Variants in ZNF423 observed in about 807,000 individuals in gnomAD.
ZNF423 encodes zinc finger protein 423, also known as Ebf-associated zinc finger protein.
Under a neutral mutation model 95.8 loss-of-function variants are expected in ZNF423, and 12 were observed. That is an observed-to-expected ratio of 0.13 (90% CI 0.08 to 0.20). The LOEUF is 0.20. Ranked by LOEUF, ZNF423 falls within the 10% of genes least tolerant of loss-of-function variation. ZNF423 has a pLI of 1.00. For missense variants in ZNF423, 1,316 were observed against 1,737.1 expected (o/e 0.76, Z 4.31); for synonymous variants, 749 against 711.9 (o/e 1.05, Z -0.83).
At chr16:49,769,510 T>A (rs1264377840) in intron 2 of ZNF423, among the ~76,000 whole-genome samples, 1 of 152,058 alleles carries the variant, frequency 6.6e-6, no homozygotes, top group Admixed American at 6.5e-5. Flanking sequence ...CGACCATCTC[T>A]TCCCCACACA....
chr16:49,668,939 C>A (rs2030671365), intron 3 of ZNF423, among the ~76,000 whole-genome samples: 1 of 152,188 alleles, frequency 6.6e-6, no homozygotes, highest in African/African-American at 2.4e-5. Flanking sequence ...TACTTGAGGA[C>A]TGAAGGGACG....
intron 5 of ZNF423, among the ~76,000 whole-genome samples, chr16:49,572,506 T>C (rs1297098026): frequency 6.6e-6 from 1 of 152,154 alleles, no homozygotes; most frequent in African/African-American, 2.4e-5. Flanking sequence ...GCCGTAACAT[T>C]GATACCTAGA....
intron 7 of ZNF423, among the ~76,000 whole-genome samples, chr16:49,511,797 C>G (rs974078503): frequency 6.6e-6 from 1 of 152,142 alleles, no homozygotes; most frequent in South Asian, 2.1e-4. Context: ...GATGCCACAC[C>G]TTATTAGGTT....
chr16:49,518,795 C>T (rs968218115), intron 7 of ZNF423, among the ~76,000 whole-genome samples: 5 of 152,234 alleles, frequency 3.3e-5, no homozygotes, highest in African/African-American at 1.2e-4. Context: ...TGGCTCACGC[C>T]TGTAATCCCA....
intron 5 of ZNF423, among the ~76,000 whole-genome samples, chr16:49,528,132 G>A (rs1184712124): frequency 2.6e-5 from 4 of 152,110 alleles, no homozygotes; most frequent in Non-Finnish European, 5.9e-5. Flanking sequence ...GCTCTCTGCC[G>A]AGCGGGGGCC....
intron 7 of ZNF423, among the ~76,000 whole-genome samples, chr16:49,519,254 G>C (rs1245277269): frequency 6.6e-6 from 1 of 152,154 alleles, no homozygotes; most frequent in Non-Finnish European, 1.5e-5. Context: ...TTCATGTAGA[G>C]GTATTGGTGT....
chr16:49,825,884 G>A (rs1268602957), intron 1 of ZNF423, among the ~76,000 whole-genome samples: 1 of 152,196 alleles, frequency 6.6e-6, no homozygotes, highest in African/African-American at 2.4e-5. Flanking sequence ...CAAGGTTTCA[G>A]AAGAATGTAC....
intron 5 of ZNF423, among the ~76,000 whole-genome samples, chr16:49,578,454 CAG>C (rs35300004): frequency 0.13 from 19,224 of 152,256 alleles, 1,314 homozygotes; most frequent in East Asian, 0.15. Flanking sequence ...CAGGGAAAAA[CAG>C]ACACTCATCC....
chr16:49,586,481 G>T (rs751634399), intron 5 of ZNF423, among the ~76,000 whole-genome samples: 1 of 152,214 alleles, frequency 6.6e-6, no homozygotes, highest in Non-Finnish European at 1.5e-5. Context: ...GTTATGCAAG[G>T]CTGCACCGGC....
At chr16:49,827,524 T>C (rs890696672) in intron 1 of ZNF423, among the ~76,000 whole-genome samples, 2 of 151,416 alleles carry the variant, frequency 1.3e-5, no homozygotes, top group Admixed American at 6.6e-5. Context: ...AGCTAACTTT[T>C]TTTTTTTTTG....
chr16:49,583,230 T>C (rs143303913), intron 5 of ZNF423, among the ~76,000 whole-genome samples: 29 of 152,290 alleles, frequency 1.9e-4, no homozygotes, highest in African/African-American at 7.0e-4. Flanking sequence ...CTTGCAATGG[T>C]GGGTTTTTTC....
chr16:49,745,207 A>G (rs1353584123), intron 2 of ZNF423, among the ~76,000 whole-genome samples: 4 of 152,200 alleles, frequency 2.6e-5, no homozygotes, highest in Non-Finnish European at 4.4e-5. Flanking sequence ...CCTGGCTCTA[A>G]CCAATTTTAC....
chr16:49,783,787 T>G (rs2034260911), intron 2 of ZNF423, among the ~76,000 whole-genome samples: 1 of 151,816 alleles, frequency 6.6e-6, no homozygotes, highest in East Asian at 1.9e-4. Flanking sequence ...CTGGCCAACA[T>G]GGTGAAACCC....
intron 1 of ZNF423, among the ~76,000 whole-genome samples, chr16:49,801,200 C>G (rs1362744988): frequency 6.6e-6 from 1 of 152,220 alleles, no homozygotes; most frequent in East Asian, 1.9e-4. Flanking sequence ...GCCTGCCTCT[C>G]TGTGCTGGTC....
Position 49,787,681 on chromosome 16 carries a change from C to T in ZNF423, c.100+1806G>A, listed in dbSNP as rs575092449. ...GAGACACCTCACTGCCTAGGGGATG[C>T]AGCTGGGGTGCTTGACACCCCCCCT... On this transcript the variant is annotated intron_variant, in intron 2 of 7. Transcript: ENST00000563137. Among the ~76,000 whole-genome samples the T allele has an allele frequency of 1.1e-3, 168 of 152,272 alleles. 1 individual carries two copies. The highest frequency in any genetic ancestry group is 4.0e-3 in the African/African-American group (166 of 41,574).
At chr16:49,537,077 T>G (rs753390952) in intron 5 of ZNF423, among the ~76,000 whole-genome samples, 3 of 152,260 alleles carry the variant, frequency 2.0e-5, no homozygotes. Context: ...ACCACTTAGA[T>G]GTGAACTTCT....
chr16:49,568,194 C>T (rs1970251155), intron 5 of ZNF423, among the ~76,000 whole-genome samples: 1 of 152,080 alleles, frequency 6.6e-6, no homozygotes, highest in Non-Finnish European at 1.5e-5. Flanking sequence ...CCAATCAGAG[C>T]CAATTGTAAG....
At chr16:49,815,881 A>ATATAT (rs1555488161) in intron 1 of ZNF423, among the ~76,000 whole-genome samples, 107 of 47,474 alleles carry the variant, frequency 2.3e-3, no homozygotes, top group Admixed American at 2.6e-3. Context: ...AAAAAAAAAA[A>ATATAT]ATATATATAT....
At chr16:49,548,356 A>T (rs1194596768) in intron 5 of ZNF423, among the ~76,000 whole-genome samples, 1 of 152,232 alleles carries the variant, frequency 6.6e-6, no homozygotes, top group Non-Finnish European at 1.5e-5. Flanking sequence ...CGTTTGCTGC[A>T]ATTTGTATAA....
Sources: allele counts gnomAD v4.1 joint callset (sites outside exome capture counted in the v4.1 genomes callset), GRCh38; gene constraint gnomAD v4.1.1; transcripts MANE v1.5; gene names NCBI Gene and HGNC (gene_info 2026-07-23, HGNC 2026-07-21).